The following SHANK2 variants were observed in gnomAD, a reference collection of about 807,000 sequenced individuals.
SHANK2 encodes the protein SH3 and multiple ankyrin repeat domains protein 2.
SHANK2 carries 43 observed loss-of-function variants against 133.7 expected under a neutral mutation model. That is an observed-to-expected ratio of 0.32 (90% CI 0.25 to 0.41). The LOEUF is 0.41. SHANK2 is among the 10% of genes least tolerant of loss of function. SHANK2 has a pLI of 1.00. For missense variants in SHANK2, 1,994 were observed against 2,235.8 expected (o/e 0.89, Z 2.18); for synonymous variants, 1,017 against 952.8 (o/e 1.07, Z -1.24).
chr11:70,615,144 A>C (rs896114953), intron 17 of SHANK2, among the ~76,000 whole-genome samples: 2 of 152,148 alleles, frequency 1.3e-5, no homozygotes, highest in Admixed American at 1.3e-4. Context: ...CTCTGAACCA[A>C]GAGCTGTTGG....
chr11:70,538,775 A>G (rs368520960), intron 17 of SHANK2, among the ~76,000 whole-genome samples: 54 of 152,286 alleles, frequency 3.5e-4, no homozygotes, highest in African/African-American at 1.2e-3. Flanking sequence ...GAACAGCCCC[A>G]TTCCACACAG....
chr11:71,206,237 C>T (rs561780960), intron 2 of SHANK2, among the ~76,000 whole-genome samples: 107 of 152,306 alleles, frequency 7.0e-4, no homozygotes, highest in African/African-American at 2.5e-3. Context: ...ACACACAGAG[C>T]GACTCCAGGA....
At chr11:70,929,295 C>T (rs1048388402) in intron 10 of SHANK2, among the ~76,000 whole-genome samples, 1 of 152,234 alleles carries the variant, frequency 6.6e-6, no homozygotes, top group African/African-American at 2.4e-5. Context: ...GCAATTTCCT[C>T]ATCTGTAAAA....
chr11:70,886,545 C>T (rs1555073539), intron 11 of SHANK2, among the ~76,000 whole-genome samples: 1 of 152,174 alleles, frequency 6.6e-6, no homozygotes, highest in African/African-American at 2.4e-5. Context: ...GGAAGGAGCA[C>T]ATTTCACAGT....
intron 2 of SHANK2, among the ~76,000 whole-genome samples, chr11:71,149,821 A>G (rs1342678384): frequency 2.5e-5 from 3 of 120,496 alleles, no homozygotes; most frequent in Non-Finnish European, 5.1e-5. Flanking sequence ...GGTGAGAGGG[A>G]GGAAAGAAGG....
intron 17 of SHANK2, among the ~76,000 whole-genome samples, chr11:70,539,306 T>A (rs2059583730): frequency 1.3e-5 from 2 of 152,310 alleles, no homozygotes; most frequent in African/African-American, 4.8e-5. Context: ...CAGGACAGCC[T>A]TGGATGGACT....
At chr11:71,224,632 A>T (rs1954611641) in intron 2 of SHANK2, 65 bp downstream of exon 2, 1 of 152,256 alleles carries the variant, frequency 6.6e-6, no homozygotes, top group African/African-American at 2.4e-5. Flanking sequence ...GGGGAGGTGG[A>T]CCAAACCCAG....
intron 17 of SHANK2, among the ~76,000 whole-genome samples, chr11:70,517,722 G>A (rs2059282951): frequency 6.6e-6 from 1 of 152,170 alleles, no homozygotes; most frequent in Admixed American, 6.5e-5. Flanking sequence ...GAAGGAAGGT[G>A]GAACAGAAGC....
rs10534209 is a variant in SHANK2, at chr11:71,137,299, T to TAAA, written c.207+9818_207+9820dup. ...TAAAATAAGTATTAAAATCCTTACT[T>TAAA]AAAAAAAAAAAAAAAAAAAAGGTAA... On this transcript the variant is annotated intron_variant, in intron 3 of 25. Transcript: ENST00000601538. Among the ~76,000 whole-genome samples, 475 of 112,724 alleles carry TAAA rather than the reference T, an allele frequency of 4.2e-3. 2 individuals are homozygous for TAAA. Among genetic ancestry groups the TAAA allele is most frequent in the African/African-American group, 0.015 (430 of 27,930 alleles). The allele number at this position is 112,724 out of a possible 152,430, so 74.0% of individuals were successfully genotyped here. A position where few individuals can be genotyped will look rare whatever the true frequency, so the allele number is the denominator to read the frequency against.
chr11:70,729,577 T>A (rs1299512218), intron 14 of SHANK2, among the ~76,000 whole-genome samples: 1 of 150,042 alleles, frequency 6.7e-6, no homozygotes, highest in Non-Finnish European at 1.5e-5. Flanking sequence ...CAGGCTGGAG[T>A]GCAGTGGTGC....
intron 10 of SHANK2, among the ~76,000 whole-genome samples, chr11:70,926,045 G>A (rs912878118): frequency 1.3e-5 from 2 of 152,102 alleles, no homozygotes; most frequent in Non-Finnish European, 2.9e-5. Context: ...GGTTGAGGCA[G>A]GTGGATTGCT....
chr11:70,898,526 G>A lies in SHANK2; in HGVS notation c.1108-1959C>T, dbSNP rs529804468. ...AAGAACACGTTACTGGAAACTGGAG[G>A]AAAAGTGATGCTCGTTCTAAAGTGG... On this transcript the variant is annotated intron_variant, in intron 10 of 25. Transcript: ENST00000601538. Among the ~76,000 whole-genome samples the A allele has an allele frequency of 1.5e-4, 23 of 152,236 alleles. 1 individual carries two copies. Among genetic ancestry groups the A allele is most frequent in the Admixed American group, 3.9e-4 (6 of 15,274 alleles).
rs540024222 is a variant in SHANK2, at chr11:70,846,007, G to A, written c.1175-25325C>T. On this transcript the variant is annotated intron_variant, in intron 11 of 25. Transcript: ENST00000601538. ...GAGAAACAGGTGGCCAAGGGCAGCC[G>A]CCAAGGTTTCCAGAGGCTGGTGCCG... Among the ~76,000 whole-genome samples, 8 of 152,302 alleles carry A rather than the reference G, an allele frequency of 5.3e-5. No individual in the cohort carries two copies. The South Asian group carries it at 1.4e-3, about 28-fold the overall frequency.
Position 70,586,357 on chromosome 11 carries a change from G to A in SHANK2, c.2061+73471C>T, listed in dbSNP as rs578032385. On this transcript the variant is annotated intron_variant, in intron 17 of 25. Coordinates refer to ENST00000601538, the MANE Select transcript of SHANK2 (RefSeq NM_012309.5). ...AAAGCTGGGCACAAGGATCACTTGC[G>A]CCTTAGAAGGCTTGCTGGGGGCAGG... Among the ~76,000 whole-genome samples, 13 of 152,300 alleles carry A rather than the reference G, an allele frequency of 8.5e-5. No homozygotes were observed. In the South Asian group the frequency reaches 1.9e-3, roughly 22 times the overall value.
intron 3 of SHANK2, among the ~76,000 whole-genome samples, chr11:71,135,054 G>A (rs576381315): frequency 5.9e-5 from 9 of 152,078 alleles, no homozygotes; most frequent in African/African-American, 1.9e-4. Flanking sequence ...CACTGCTCCC[G>A]CAGCCCTCAG....
At chr11:71,136,485 A>C (rs1357870114) in intron 3 of SHANK2, among the ~76,000 whole-genome samples, 2 of 152,254 alleles carry the variant, frequency 1.3e-5, no homozygotes, top group Admixed American at 1.3e-4. Context: ...CAGGAGACTC[A>C]GAAGGGTGGT....
intron 17 of SHANK2, among the ~76,000 whole-genome samples, chr11:70,658,518 T>C (rs114194822): frequency 1.0e-3 from 159 of 152,250 alleles, no homozygotes; most frequent in African/African-American, 3.7e-3. Context: ...CAGGTTCTGA[T>C]TGGTCAATAA....
intron 5 of SHANK2, 102 bp downstream of exon 5, chr11:71,113,191 A>G (rs1279661758): frequency 9.7e-7 from 1 of 1,033,228 alleles, no homozygotes; most frequent in African/African-American, 1.6e-5. Context: ...CCAGGTACAC[A>G]GCAGGTGCCC....
chr11:70,473,645 C>T lies in SHANK2; in HGVS notation c.4980-206G>A, dbSNP rs2058626177. On this transcript the variant is annotated intron_variant, in intron 25 of 25. Transcript: ENST00000601538. The surrounding 1 kb of genome is among the most constrained non-coding windows in gnomAD (Gnocchi z 5.9). ...CAGAGCAAAGTTGGAGACACCAGAG[C>T]ACACCACGTCAGCCCACTCACCTGA... is the stretch of plus-strand genomic sequence containing the variant. 4.6e-6 allele frequency: 3 copies of T among 656,296 alleles called. No individual in the cohort carries two copies. Among genetic ancestry groups the T allele is most frequent in the Non-Finnish European group, 8.3e-6 (3 of 360,944 alleles). The allele number at this position is 656,296 out of a possible 1,614,324, so 40.7% of individuals were successfully genotyped here. A position where few individuals can be genotyped will look rare whatever the true frequency, so the allele number is the denominator to read the frequency against.
Sources: allele counts gnomAD v4.1 joint callset (sites outside exome capture counted in the v4.1 genomes callset), GRCh38; gene constraint gnomAD v4.1.1; non-coding constraint Gnocchi (gnomAD v3.1); transcripts MANE v1.5; gene names NCBI Gene and HGNC (gene_info 2026-07-23, HGNC 2026-07-21).